MAMDC2: variants seen among roughly 807,000 people sequenced by gnomAD.
MAMDC2 encodes the protein MAM domain-containing protein 2.
In MAMDC2, 57 loss-of-function variants were observed where a neutral mutation model predicts 89.8. The ratio of observed to expected loss-of-function variants is 0.63; its 90% CI spans 0.51 to 0.79. The LOEUF (loss-of-function observed/expected upper bound fraction) is 0.79, where lower values mean the gene tolerates loss of function less well. MAMDC2 is among the 30% of genes least tolerant of loss of function. The pLI, the probability that MAMDC2 is intolerant of heterozygous loss-of-function variation, is 0.00. For missense variants in MAMDC2, 800 were observed against 820.6 expected (o/e 0.97, Z 0.31); for synonymous variants, 313 against 293.4 (o/e 1.07, Z -0.68).
At chr9:70,202,032 G>GTTGAAGGA in intron 11 of MAMDC2, among the ~76,000 whole-genome samples, 1 of 151,804 alleles carries the variant, frequency 6.6e-6, no homozygotes, top group East Asian at 1.9e-4. Context: ...TTTTTGAAGG[G>GTTGAAGGA]TTTTTTGTGT....
At chr9:70,117,743 T>C (rs1022140786) in intron 5 of MAMDC2, among the ~76,000 whole-genome samples, 1 of 152,002 alleles carries the variant, frequency 6.6e-6, no homozygotes, top group East Asian at 1.9e-4. Context: ...ACAAAGGTGA[T>C]ATGTGGTCAA....
intron 7 of MAMDC2, among the ~76,000 whole-genome samples, chr9:70,134,758 C>A (rs1395588548): frequency 1.3e-5 from 2 of 152,192 alleles, no homozygotes; most frequent in African/African-American, 4.8e-5. Context: ...CCAAGGGTCT[C>A]CACAGCCTAG....
At chr9:70,179,549 A>T (rs1398223568) in intron 11 of MAMDC2, among the ~76,000 whole-genome samples, 1 of 150,622 alleles carries the variant, frequency 6.6e-6, no homozygotes, top group African/African-American at 2.4e-5. Context: ...ATAAATAAAT[A>T]AAAATAAAAT....
intron 2 of MAMDC2, among the ~76,000 whole-genome samples, chr9:70,045,788 A>G (rs549712609): frequency 6.6e-6 from 1 of 152,300 alleles, no homozygotes; most frequent in South Asian, 2.1e-4. Context: ...AGAATATTCA[A>G]ATGGCTAGTC....
chr9:70,044,353 C>T (rs1826681642), intron 1 of MAMDC2, 122 bp downstream of exon 1: 1 of 1,148,282 alleles, frequency 8.7e-7, no homozygotes, highest in South Asian at 1.4e-5. Flanking sequence ...TCCTGATCCT[C>T]CGCAGCCGCT....
intron 11 of MAMDC2, among the ~76,000 whole-genome samples, chr9:70,179,148 CCCA>C (rs140091479): frequency 0.069 from 10,467 of 152,010 alleles, 567 homozygotes; most frequent in East Asian, 0.22. Flanking sequence ...ATTAAATGTA[CCCA>C]CCAACTTTAT....
At chr9:70,177,969 T>C (rs2032548309) in intron 11 of MAMDC2, among the ~76,000 whole-genome samples, 1 of 152,214 alleles carries the variant, frequency 6.6e-6, no homozygotes, top group South Asian at 2.1e-4. Context: ...ATCTAAACTT[T>C]TTCTGATCTA....
At chr9:70,045,456 C>T (rs1038294291) in intron 2 of MAMDC2, among the ~76,000 whole-genome samples, 1 of 152,076 alleles carries the variant, frequency 6.6e-6, no homozygotes. Flanking sequence ...CCCTTCTTTC[C>T]TTTCTCTCTC....
intron 2 of MAMDC2, among the ~76,000 whole-genome samples, chr9:70,101,294 A>T (rs576822791): frequency 2.8e-4 from 43 of 152,240 alleles, no homozygotes; most frequent in South Asian, 8.3e-4. Flanking sequence ...AAATGTTAAA[A>T]TTTTTTTTAA....
intron 2 of MAMDC2, among the ~76,000 whole-genome samples, chr9:70,058,589 AC>A (rs1339994485): frequency 3.9e-5 from 6 of 152,160 alleles, no homozygotes; most frequent in Admixed American, 6.5e-5. Context: ...GGTGAGGCAG[AC>A]AGAAGCCTGC....
intron 2 of MAMDC2, among the ~76,000 whole-genome samples, chr9:70,068,043 G>A (rs576749117): frequency 1.7e-4 from 26 of 152,258 alleles, no homozygotes; most frequent in African/African-American, 6.0e-4. Context: ...AAATGAACTC[G>A]TCTGAGCTGA....
Position 70,048,798 on chromosome 9 carries a change from G to A in MAMDC2, c.148+4101G>A, listed in dbSNP as rs535001933. ...CCCTGAGGATTCTTGGAGACCATGC[G>A]GTTGGCCTTGCATCCAAACAGGCAC... is the stretch of plus-strand genomic sequence containing the variant. On this transcript the variant is annotated intron_variant, in intron 2 of 13. Transcript: ENST00000377182. Among the ~76,000 whole-genome samples, 9 of 152,260 alleles carry A rather than the reference G, an allele frequency of 5.9e-5. 1 individual carries two copies. Among genetic ancestry groups the A allele is most frequent in the Middle Eastern group, 3.4e-3 (1 of 294 alleles).
chr9:70,163,062 G>A (rs1194344217), intron 9 of MAMDC2, among the ~76,000 whole-genome samples: 11 of 152,018 alleles, frequency 7.2e-5, no homozygotes, highest in Admixed American at 7.2e-4. Context: ...AAATAAAGAG[G>A]AGATTCTATT....
intron 11 of MAMDC2, among the ~76,000 whole-genome samples, chr9:70,206,558 C>T (rs1227442808): frequency 1.3e-5 from 2 of 152,168 alleles, no homozygotes; most frequent in Non-Finnish European, 2.9e-5. Context: ...TTACTCCTCT[C>T]TTCCAAAAGC....
At chr9:70,103,535 G>T (rs1828249712) in intron 2 of MAMDC2, among the ~76,000 whole-genome samples, 1 of 150,876 alleles carries the variant, frequency 6.6e-6, no homozygotes, top group Non-Finnish European at 1.5e-5. Flanking sequence ...ATAAAACTCT[G>T]AGAAAAAAAA....
intron 9 of MAMDC2, 114 bp downstream of exon 9, chr9:70,143,933 AC>A: frequency 2.4e-6 from 3 of 1,265,752 alleles, no homozygotes; most frequent in Non-Finnish European, 3.3e-6. Context: ...GTTCAGGCCT[AC>A]GGCCTCACCC....
At position 70,082,442 on chromosome 9, in the gene MAMDC2, T is replaced by C. The variant is rs1827674809; in HGVS notation, c.149-25769T>C. On this transcript the variant is annotated intron_variant, in intron 2 of 13. Coordinates refer to ENST00000377182, the MANE Select transcript of MAMDC2 (RefSeq NM_153267.5). The stretch of plus-strand genomic sequence containing the variant: ...TCAAAAGCCAAGCTTCAGTCTAATA[T>C]AATTTGCCCATGGAAGTAAGTCTGT... 4.6e-5 allele frequency among the ~76,000 whole-genome samples: 7 copies of C among 152,264 alleles called. No individual in the cohort carries two copies. In the South Asian group the frequency reaches 1.5e-3, roughly 32 times the overall value.
At chr9:70,221,380 T>TAGAGAGAGAGAGAGAGAGAG (rs58804811) in intron 12 of MAMDC2, among the ~76,000 whole-genome samples, 39 of 6,992 alleles carry the variant, frequency 5.6e-3, no homozygotes, top group Non-Finnish European at 7.6e-3. Flanking sequence ...TATATATATA[T>TAGAGAGAGAGAGAGAGAGAG]AGAGAGAGAG....
intron 6 of MAMDC2, among the ~76,000 whole-genome samples, chr9:70,130,051 T>TGTGA (rs1330539700): frequency 6.7e-6 from 1 of 149,494 alleles, no homozygotes; most frequent in East Asian, 2.0e-4. Flanking sequence ...TGTGTGAGAG[T>TGTGA]GTCTGCATCC....
Sources: allele counts gnomAD v4.1 joint callset (sites outside exome capture counted in the v4.1 genomes callset), GRCh38; gene constraint gnomAD v4.1.1; transcripts MANE v1.5; gene names NCBI Gene and HGNC (gene_info 2026-07-23, HGNC 2026-07-21).